The following STK17B variants were observed in gnomAD, a reference collection of about 807,000 sequenced individuals.
STK17B encodes the protein serine/threonine-protein kinase 17B.
A neutral mutation model predicts 42.0 loss-of-function variants in STK17B; 21 were observed. The observed-to-expected ratio is 0.50, with a 90% confidence interval of 0.35 to 0.72. STK17B has a LOEUF of 0.72. STK17B is among the 30% of genes least tolerant of loss of function. The pLI is 0.00. For missense variants in STK17B, 349 were observed against 446.0 expected (o/e 0.78, Z 1.96); for synonymous variants, 143 against 148.4 (o/e 0.96, Z 0.26).
chr2:196,148,755 T>C (rs1357845107), intron 3 of STK17B, among the ~76,000 whole-genome samples: 7 of 152,234 alleles, frequency 4.6e-5, no homozygotes, highest in African/African-American at 9.6e-5. Flanking sequence ...CAACATTTTA[T>C]ATTACAAATT....
intron 6 of STK17B, 105 bp downstream of exon 6, chr2:196,141,144 T>C (rs1699488771): frequency 1.3e-6 from 1 of 792,984 alleles, no homozygotes; most frequent in Non-Finnish European, 2.0e-6. Flanking sequence ...AATAAAATCT[T>C]TTGAAGAAAG....
chr2:196,160,949 G>T (rs945109447), intron 2 of STK17B, among the ~76,000 whole-genome samples: 1 of 151,976 alleles, frequency 6.6e-6, no homozygotes, highest in African/African-American at 2.4e-5. Flanking sequence ...AGCCCTCAAA[G>T]CAAAAATACT....
rs1286838320 is a variant in STK17B, at chr2:196,134,955, T to A, written c.*2492A>T. 1 of 152,216 alleles carries A rather than the reference T, an allele frequency of 6.6e-6. No homozygotes were observed. The highest frequency in any genetic ancestry group is 1.5e-5 in the Non-Finnish European group (1 of 68,026). The allele number at this position is 152,216 out of a possible 1,614,324, so 9.4% of individuals were successfully genotyped here. A position where few individuals can be genotyped will look rare whatever the true frequency, so the allele number is the denominator to read the frequency against. The stretch of plus-strand genomic sequence containing the variant: ...TTCATATTCCAATCAATAACGTTAT[T>A]TAAATTCACACCTTTGTAAAAAGAG... On this transcript the variant is annotated 3_prime_UTR_variant, in exon 8 of 8. Transcript: ENST00000263955.
intron 2 of STK17B, among the ~76,000 whole-genome samples, chr2:196,162,726 T>C (rs1329819605): frequency 6.6e-6 from 1 of 150,724 alleles, no homozygotes; most frequent in Non-Finnish European, 1.5e-5. Flanking sequence ...GGAGAAACCC[T>C]GTCTCTACAA....
intron 3 of STK17B, chr2:196,153,640 G>A (rs555291642): frequency 2.0e-4 from 30 of 152,286 alleles, no homozygotes; most frequent in African/African-American, 7.0e-4. Context: ...CTGATTACAG[G>A]TCTGGGGCAG....
rs554081821 is a variant in STK17B at position 196,163,855 on chromosome 2, T to C, written c.-44-428A>G. ...AAGTTCAAAACCAGTCCTGGCAACATAGCGAGATCCCATCTCTATGAAAAA... is the reference window on the plus strand; with the variant it reads ...AAGTTCAAAACCAGTCCTGGCAACACAGCGAGATCCCATCTCTATGAAAAA... On this transcript the variant is annotated intron_variant, in intron 1 of 7. Coordinates refer to ENST00000263955, the MANE Select transcript of STK17B (RefSeq NM_004226.4). Among the ~76,000 whole-genome samples, 9 of 151,508 alleles carry C rather than the reference T, an allele frequency of 5.9e-5. No individual in the cohort carries two copies. In the East Asian group the frequency reaches 1.4e-3, roughly 23 times the overall value.
chr2:196,168,083 T>C (rs183596856), intron 1 of STK17B, among the ~76,000 whole-genome samples: 9 of 152,240 alleles, frequency 5.9e-5, no homozygotes, highest in Non-Finnish European at 1.3e-4. Context: ...ATTCCTCATA[T>C]GTATTCTGCC....
At chr2:196,164,621 A>G (rs2097578106) in intron 1 of STK17B, among the ~76,000 whole-genome samples, 1 of 151,802 alleles carries the variant, frequency 6.6e-6, no homozygotes, top group Admixed American at 6.6e-5. Context: ...TTTTTTTCCT[A>G]TTTTCTACTT....
intron 4 of STK17B, 31 bp from the exon 5 acceptor site, chr2:196,143,717 T>C: frequency 6.8e-7 from 1 of 1,460,952 alleles, no homozygotes; most frequent in Non-Finnish European, 9.1e-7. Context: ...ACATGATAAG[T>C]AATATACAAA....
upstream of STK17B, among the ~76,000 whole-genome samples, chr2:196,172,091 C>T (rs2105721931): frequency 6.6e-6 from 1 of 152,336 alleles, no homozygotes; most frequent in African/African-American, 2.4e-5. Context: ...TTTGCTACAA[C>T]TTGGCAGAGG....
At chr2:196,160,688 T>C (rs889578740) in intron 2 of STK17B, among the ~76,000 whole-genome samples, 2 of 152,192 alleles carry the variant, frequency 1.3e-5, no homozygotes, top group African/African-American at 4.8e-5. Context: ...TAATTAAACA[T>C]ATCAATATTT....
At chr2:196,163,199 A>C in intron 2 of STK17B, 63 bp downstream of exon 2, 1 of 1,562,874 alleles carries the variant, frequency 6.4e-7, no homozygotes, top group Non-Finnish European at 8.7e-7. Flanking sequence ...GTTTTATAGA[A>C]TTATAAAAAC....
intron 2 of STK17B, among the ~76,000 whole-genome samples, chr2:196,158,254 T>C (rs189589519): frequency 2.6e-5 from 4 of 152,334 alleles, no homozygotes; most frequent in Admixed American, 6.5e-5. Context: ...TGTATTTTAC[T>C]AGCTATTCGC....
chr2:196,138,541 G>C (rs16845437), intron 7 of STK17B, among the ~76,000 whole-genome samples: 2 of 151,738 alleles, frequency 1.3e-5, no homozygotes, highest in Non-Finnish European at 2.9e-5. Context: ...TTTGAAAGAC[G>C]GTGCTTAACT....
chr2:196,166,429 C>G (rs1699874978), intron 1 of STK17B, among the ~76,000 whole-genome samples: 1 of 152,078 alleles, frequency 6.6e-6, no homozygotes, highest in Non-Finnish European at 1.5e-5. Flanking sequence ...TCTAAATTAC[C>G]TATATGTCTC....
At chr2:196,153,771 T>C (rs1033895424) in intron 3 of STK17B, 1 of 152,088 alleles carries the variant, frequency 6.6e-6, no homozygotes, top group South Asian at 2.1e-4. Flanking sequence ...ACTGATAAGC[T>C]TGGGACAATT....
At chr2:196,168,773 A>G (rs4850385) in intron 1 of STK17B, among the ~76,000 whole-genome samples, 150,092 of 152,310 alleles carry the variant, frequency 0.99, 73,999 homozygotes, top group East Asian at 1. Flanking sequence ...ATAAAAATAC[A>G]TGCTTGTAAC....
At chr2:196,149,309 G>A (rs866708904) in intron 3 of STK17B, among the ~76,000 whole-genome samples, 6 of 151,948 alleles carry the variant, frequency 3.9e-5, no homozygotes, top group South Asian at 2.1e-4. Flanking sequence ...GACTACAGGC[G>A]CGTGGCACCA....
At chr2:196,160,535 T>C (rs1009220383) in intron 2 of STK17B, among the ~76,000 whole-genome samples, 4 of 152,202 alleles carry the variant, frequency 2.6e-5, no homozygotes, top group Admixed American at 1.3e-4. Context: ...TTTCAAAATG[T>C]GCAAACCTCA....
Sources: allele counts gnomAD v4.1 joint callset (sites outside exome capture counted in the v4.1 genomes callset), GRCh38; gene constraint gnomAD v4.1.1; transcripts MANE v1.5; gene names NCBI Gene and HGNC (gene_info 2026-07-23, HGNC 2026-07-21).